The following PTPRS variants were observed in gnomAD, a reference collection of about 807,000 sequenced individuals.
PTPRS encodes receptor-type tyrosine-protein phosphatase S.
A neutral mutation model predicts 215.3 loss-of-function variants in PTPRS; 63 were observed. The observed-to-expected ratio is 0.29, with a 90% CI of 0.24 to 0.36. PTPRS has a LOEUF of 0.36. Ranked by LOEUF, PTPRS falls within the 10% of genes least tolerant of loss-of-function variation. PTPRS has a pLI of 1.00. For missense variants in PTPRS, 2,258 were observed against 2,825.8 expected, an observed-to-expected ratio of 0.80 and a Z score of 4.56; for synonymous variants, 1,404 against 1,191.4, an observed-to-expected ratio of 1.18 and a Z score of -3.68.
chr19:5,276,643 C>A (rs1271514961), intron 2 of PTPRS, among the ~76,000 whole-genome samples: 1 of 151,980 alleles, frequency 6.6e-6, no homozygotes, highest in African/African-American at 2.4e-5. Context: ...CAGGTTCACA[C>A]CATTCTCCTT....
At position 5,287,553 on chromosome 19, in the gene PTPRS, G is replaced by A. The variant is rs553212824; in HGVS notation, c.-94-1319C>T. On this transcript the variant is annotated intron_variant, in intron 1 of 37. Transcript: ENST00000262963. This position sits in a 1 kb window ranked among gnomAD's most constrained non-coding sequence, Gnocchi z 4.8. The stretch of plus-strand genomic sequence containing the variant: ...GGATAAGATCTTTGTTGCCTAGTCA[G>A]GCTGGCACCCATGCCAGCCCATGCC... 6.6e-6 allele frequency among the ~76,000 whole-genome samples: 1 copy of A among 152,270 alleles called. No homozygotes were observed. The highest frequency in any genetic ancestry group is 6.5e-5 in the Admixed American group (1 of 15,294).
Position 5,280,553 on chromosome 19 carries a change from T to C in PTPRS, c.91+5497A>G, listed in dbSNP as rs2047759216. ...GGCCAACATGATGAAACCCCGTCTC[T>C]ACTAAAAAAATACAAAAATCAGCCA... On this transcript the variant is annotated intron_variant, in intron 2 of 37. Coordinates refer to ENST00000262963, the MANE Select transcript of PTPRS (RefSeq NM_002850.4). Among the ~76,000 whole-genome samples, 3 of 151,456 alleles carry C rather than the reference T, an allele frequency of 2.0e-5. No individual in the cohort carries two copies. In the South Asian group the frequency reaches 6.3e-4, roughly 32 times the overall value.
At chr19:5,219,640 C>T (rs1026055204) in intron 22 of PTPRS, among the ~76,000 whole-genome samples, 173 bp from the exon 23 acceptor site, 5 of 152,208 alleles carry the variant, frequency 3.3e-5, no homozygotes, top group African/African-American at 1.2e-4. Flanking sequence ...TTGCTCTCCC[C>T]ATTCCCTTCT....
chr19:5,297,869 T>G (rs1364228529), intron 1 of PTPRS, among the ~76,000 whole-genome samples: 2 of 149,252 alleles, frequency 1.3e-5, no homozygotes, highest in East Asian at 4.1e-4. Flanking sequence ...CTCGGCTCAC[T>G]GCAACCTCTG....
Position 5,231,461 on chromosome 19 carries a change from G to A in PTPRS, c.2004C>T (p.Pro668=). The A allele has an allele frequency of 6.2e-7, 1 of 1,612,930 alleles. No individual in the cohort carries two copies. Among genetic ancestry groups the A allele is most frequent in the African/African-American group, 1.3e-5 (1 of 74,954 alleles). Residue 668 remains proline, a synonymous_variant, in exon 14 of 38, where the codon CCC becomes CCT. Coordinates refer to ENST00000262963, the MANE Select transcript of PTPRS (RefSeq NM_002850.4). Reference sequence around the variant, plus strand: ...TCGGGGGGATGCCGTTCACCTCCTTGGGTTCCGGGTCCTCTGAGCCCAGCG... The same window carrying A: ...TCGGGGGGATGCCGTTCACCTCCTTAGGTTCCGGGTCCTCTGAGCCCAGCG... ...YRPLGSEDPE[P]KEVNGIPPTT...
rs189282206 is a variant in PTPRS at position 5,228,428 on chromosome 19, C to T, written c.2376+888G>A. ...TGGTGCCATTTTGGCTCACTGCAAC[C>T]TCTGCCTCCCAGGTTCAAACGATTC... On this transcript the variant is annotated intron_variant, in intron 16 of 37. Coordinates refer to ENST00000262963, the MANE Select transcript of PTPRS (RefSeq NM_002850.4). 1.6e-3 allele frequency among the ~76,000 whole-genome samples: 238 copies of T among 151,386 alleles called. 1 individual carries two copies. The highest frequency in any genetic ancestry group is 5.7e-3 in the African/African-American group (235 of 41,182).
At chr19:5,239,581 T>A (rs1203329026) in intron 12 of PTPRS, among the ~76,000 whole-genome samples, 2 of 116,648 alleles carry the variant, frequency 1.7e-5, no homozygotes, top group African/African-American at 3.4e-5. Context: ...GACAGAGAAA[T>A]AGAGACAGAG....
chr19:5,314,143 A>C (rs1600103924), intron 1 of PTPRS, among the ~76,000 whole-genome samples: 1 of 152,062 alleles, frequency 6.6e-6, no homozygotes, highest in Admixed American at 6.6e-5. Context: ...GTCTCTATCA[A>C]TCAATCGAGA....
At chr19:5,224,163 A>G (rs1471620423) in intron 17 of PTPRS, among the ~76,000 whole-genome samples, 7 of 122,350 alleles carry the variant, frequency 5.7e-5, no homozygotes, top group Non-Finnish European at 1.2e-4. Flanking sequence ...CGGGCAACAG[A>G]GCAAGACTCC....
chr19:5,223,332 C>G, intron 17 of PTPRS, 35 bp from the exon 18 acceptor site: 1 of 1,427,400 alleles, frequency 7.0e-7, no homozygotes, highest in Middle Eastern at 2.4e-4. Flanking sequence ...AGGGTCCCAG[C>G]GCCATCCGCC....
Position 5,222,996 on chromosome 19 carries a change from C to T in PTPRS, c.2796G>A (p.Pro932=), listed in dbSNP as rs532391168. 16 of 1,540,300 alleles carry T rather than the reference C, an allele frequency of 1.0e-5. No homozygotes were observed. The highest frequency in any genetic ancestry group is 2.0e-5 in the Admixed American group (1 of 50,924). ...SIPEDTPRGH[P]QILEAAGNAS... is the part of the protein sequence containing the mutation. ...CGTTGCCGGCCGCCTCCAGAATCTG[C>T]GGGTGGCCACGGGGCGTGTCCTCCG... Residue 932 remains proline, a synonymous_variant, in exon 18 of 38, where the codon CCG becomes CCA. Transcript: ENST00000262963.
At chr19:5,226,105 A>G (rs2145514772) in intron 16 of PTPRS, among the ~76,000 whole-genome samples, 1 of 152,190 alleles carries the variant, frequency 6.6e-6, no homozygotes, top group East Asian at 1.9e-4. Flanking sequence ...ACTCCTTGCC[A>G]TCACCCCCGA....
At chr19:5,319,206 G>A (rs1018983244) in intron 1 of PTPRS, among the ~76,000 whole-genome samples, 1 of 152,138 alleles carries the variant, frequency 6.6e-6, no homozygotes, top group Non-Finnish European at 1.5e-5. Context: ...GAGGTCAGGA[G>A]CTCGAGACCA....
chr19:5,215,651 C>G, intron 26 of PTPRS, 56 bp from the exon 27 acceptor site: 1 of 1,199,546 alleles, frequency 8.3e-7, no homozygotes, highest in Non-Finnish European at 1.2e-6. Context: ...CAGCCGGGGA[C>G]TCGGGGGAGG....
At chr19:5,307,123 G>A (rs1224438515) in intron 1 of PTPRS, among the ~76,000 whole-genome samples, 2 of 152,134 alleles carry the variant, frequency 1.3e-5, no homozygotes, top group Admixed American at 6.5e-5. Flanking sequence ...TGGCCAACAT[G>A]GCAAAACTCT....
In PTPRS at chr19:5,237,635, C is replaced by CG. The variant is rs914834304; in HGVS notation, c.1849+1283dup. On this transcript the variant is annotated intron_variant, in intron 13 of 37. Transcript: ENST00000262963. This position sits in a 1 kb window ranked among gnomAD's most constrained non-coding sequence, Gnocchi z 4.2. ...TTCAGCCCAGAGTGGCTGGGGCAGG[C>CG]GGGGGGGCACGCGGGGTGGGCCGTT... is the stretch of plus-strand genomic sequence containing the variant. Among the ~76,000 whole-genome samples, 37 of 152,018 alleles carry CG rather than the reference C, an allele frequency of 2.4e-4. No homozygotes were observed. Among genetic ancestry groups the CG allele is most frequent in the Admixed American group, 1.1e-3 (17 of 15,268 alleles).
Position 5,218,805 on chromosome 19 carries a change from C to G in PTPRS, c.3924-7G>C. On this transcript the variant is annotated splice_polypyrimidine_tract_variant and splice_region_variant and intron_variant, in intron 23 of 37. Coordinates refer to ENST00000262963, the MANE Select transcript of PTPRS (RefSeq NM_002850.4). ...TTCTTACCTGTCGGGTTTGCTGTTC[C>G]CGAAAGCAGACACAGGTGAGAAGGG... The G allele has an allele frequency of 6.2e-7, 1 of 1,602,232 alleles. No homozygotes were observed. The highest frequency in any genetic ancestry group is 8.5e-7 in the Non-Finnish European group (1 of 1,175,918).
rs557751864 is a variant in PTPRS at position 5,306,631 on chromosome 19, AT to A, written c.-94-20398del. On this transcript the variant is annotated intron_variant, in intron 1 of 37. Coordinates refer to ENST00000262963, the MANE Select transcript of PTPRS (RefSeq NM_002850.4). ...CCCTGTGGACACTTCGGTTGCCTCC[AT>A]TTTTTCCCAACCTCACCCAATGCCA... 3.3e-5 allele frequency among the ~76,000 whole-genome samples: 5 copies of A among 151,940 alleles called. No individual in the cohort carries two copies. The South Asian group carries it at 1.0e-3, about 32-fold the overall frequency.
intron 1 of PTPRS, among the ~76,000 whole-genome samples, chr19:5,328,795 T>A (rs919709771): frequency 1.3e-5 from 2 of 152,076 alleles, no homozygotes; most frequent in Non-Finnish European, 2.9e-5. Context: ...TGGTGGTGCG[T>A]GCCAGTAATC....
Sources: allele counts gnomAD v4.1 joint callset (sites outside exome capture counted in the v4.1 genomes callset), GRCh38; gene constraint gnomAD v4.1.1; non-coding constraint Gnocchi (gnomAD v3.1); transcripts MANE v1.5; gene names NCBI Gene and HGNC (gene_info 2026-07-23, HGNC 2026-07-21).